COL14A1: variants seen among roughly 807,000 people sequenced by gnomAD.
The protein encoded by COL14A1 is collagen alpha-1(XIV) chain.
In COL14A1, 136 loss-of-function variants were observed where a neutral mutation model predicts 230.3. That is an observed-to-expected ratio of 0.59 (90% CI 0.51 to 0.68). The LOEUF (loss-of-function observed/expected upper bound fraction) is 0.68, where lower values mean the gene tolerates loss of function less well. COL14A1 is among the 30% of genes least tolerant of loss of function. The pLI, the probability that COL14A1 is intolerant of heterozygous loss-of-function variation, is 0.00. For synonymous variants in COL14A1, 792 were observed against 784.1 expected (o/e 1.01, Z -0.17); for missense variants, 1,976 against 2,215.8 (o/e 0.89, Z 2.17).
rs185447697 is a variant in COL14A1, at chr8:120,323,266, T to G, written c.4659+7269T>G. On this transcript the variant is annotated intron_variant, in intron 40 of 47. Transcript: ENST00000297848. ...CTTTGCCTACTTTTTAATGGAGTTG[T>G]TTTTTTTTCTTGCAAGTTTGTTTAA... 8.0e-5 allele frequency among the ~76,000 whole-genome samples: 12 copies of G among 150,328 alleles called. 2 individuals carry two copies. The highest frequency in any genetic ancestry group is 2.9e-4 in the African/African-American group (12 of 40,714).
chr8:120,370,573 A>T (rs1181564696), intron 47 of COL14A1: 5 of 1,457,410 alleles, frequency 3.4e-6, no homozygotes, highest in Non-Finnish European at 4.5e-6. Flanking sequence ...ATCGGAACTT[A>T]ACCAAATCAT....
At chr8:120,284,843 A>G (rs542313572) in intron 32 of COL14A1, among the ~76,000 whole-genome samples, 4 of 152,294 alleles carry the variant, frequency 2.6e-5, no homozygotes, top group African/African-American at 4.8e-5. Flanking sequence ...AAGAAAAAAG[A>G]TTAGATAAAT....
Position 120,153,025 on chromosome 8 carries a change from T to C in COL14A1, c.88+5095T>C, listed in dbSNP as rs183089129. Reference sequence around the variant, plus strand: ...ACAGCTGTTTTCAGCATCTTTATAATGGATCATGAAATTACAACATATGAG... The same window carrying C: ...ACAGCTGTTTTCAGCATCTTTATAACGGATCATGAAATTACAACATATGAG... On this transcript the variant is annotated intron_variant, in intron 2 of 47. Coordinates refer to ENST00000297848, the MANE Select transcript of COL14A1 (RefSeq NM_021110.4). Among the ~76,000 whole-genome samples the C allele has an allele frequency of 1.7e-3, 264 of 152,144 alleles. 3 individuals are homozygous for C. The highest frequency in any genetic ancestry group is 1.4e-3 in the Non-Finnish European group (94 of 68,024).
intron 45 of COL14A1, among the ~76,000 whole-genome samples, chr8:120,356,240 C>T (rs1015515223): frequency 6.6e-6 from 1 of 152,168 alleles, no homozygotes; most frequent in East Asian, 1.9e-4. Flanking sequence ...TTATGTGATG[C>T]TCATAAAAAT....
chr8:120,206,476 A>G (rs1817436079), intron 9 of COL14A1, among the ~76,000 whole-genome samples: 2 of 152,140 alleles, frequency 1.3e-5, no homozygotes, highest in African/African-American at 4.8e-5. Context: ...CAGCCTCCAA[A>G]GTAGCTGGGA....
chr8:120,336,528 C>T (rs1237075822), intron 42 of COL14A1, among the ~76,000 whole-genome samples: 2 of 152,162 alleles, frequency 1.3e-5, no homozygotes, highest in African/African-American at 4.8e-5. Flanking sequence ...TCATTGGCCC[C>T]CTGGTCTCTG....
chr8:120,197,848 G>A lies in COL14A1; in HGVS notation c.630G>A (p.Trp210Ter), dbSNP rs748191303. Residue 210 changes from tryptophan (W) to a stop codon, truncating the protein, a stop_gained, in exon 7 of 48, where the codon TGG becomes TGA. Coordinates refer to ENST00000297848, the MANE Select transcript of COL14A1 (RefSeq NM_021110.4). LOFTEE classifies it high-confidence loss of function. ...ATAGTGGTGACCCCAGAATAGAATG[G>A]CACTTGAATGCATTTAGCACAAAAG... is the stretch of plus-strand genomic sequence containing the variant. ...AQYSGDPRIE[W>*]HLNAFSTKDE... is the part of the protein sequence containing the mutation. The A allele has an allele frequency of 8.7e-6, 14 of 1,613,528 alleles. No homozygotes were observed. The highest frequency in any genetic ancestry group is 1.1e-5 in the South Asian group (1 of 91,058).
intron 40 of COL14A1, among the ~76,000 whole-genome samples, chr8:120,327,605 G>A (rs1451789702): frequency 6.6e-6 from 1 of 152,008 alleles, no homozygotes; most frequent in African/African-American, 2.4e-5. Flanking sequence ...ATGTCTTTTC[G>A]ACTTGCTTGC....
chr8:120,231,027 T>G (rs1818250002), intron 18 of COL14A1, among the ~76,000 whole-genome samples: 1 of 151,862 alleles, frequency 6.6e-6, no homozygotes, highest in Non-Finnish European at 1.5e-5. Flanking sequence ...GAAATGGAGG[T>G]GAGGGCAGGT....
intron 7 of COL14A1, among the ~76,000 whole-genome samples, chr8:120,198,144 G>A (rs1004163129): frequency 2.1e-4 from 32 of 152,100 alleles, no homozygotes; most frequent in African/African-American, 7.7e-4. Context: ...GAAGGGCTTG[G>A]TTGGGCTAGG....
Position 120,232,580 on chromosome 8 carries a change from C to G in COL14A1, c.2349+962C>G, listed in dbSNP as rs549068004. The stretch of plus-strand genomic sequence containing the variant: ...ATGGTTTCCAGCTTCATCCATGTCC[C>G]TGCAAAGGACATGAACTCATCCTTT... On this transcript the variant is annotated intron_variant, in intron 19 of 47. Transcript: ENST00000297848. Among the ~76,000 whole-genome samples the G allele has an allele frequency of 3.3e-5, 5 of 152,322 alleles. No individual in the cohort carries two copies. In the East Asian group the frequency reaches 9.6e-4, roughly 29 times the overall value.
chr8:120,322,677 T>G (rs2130157635), intron 40 of COL14A1, among the ~76,000 whole-genome samples: 1 of 152,322 alleles, frequency 6.6e-6, no homozygotes, highest in East Asian at 1.9e-4. Context: ...ATAAGTTTGC[T>G]ATGGATAATG....
At chr8:120,248,949 G>A (rs1277311181) in intron 21 of COL14A1, among the ~76,000 whole-genome samples, 8 of 83,220 alleles carry the variant, frequency 9.6e-5, no homozygotes, top group Admixed American at 3.1e-4. Context: ...TTTTTGAGAC[G>A]GAGTCTCGCT....
intron 5 of COL14A1, among the ~76,000 whole-genome samples, chr8:120,184,112 A>G (rs979998361): frequency 3.3e-5 from 5 of 152,154 alleles, no homozygotes; most frequent in African/African-American, 1.2e-4. Context: ...ATCTGATGAA[A>G]GCTATCACTA....
intron 5 of COL14A1, among the ~76,000 whole-genome samples, chr8:120,188,984 G>A (rs1816731243): frequency 6.6e-6 from 1 of 152,152 alleles, no homozygotes; most frequent in African/African-American, 2.4e-5. Flanking sequence ...TCTAAGAATG[G>A]TGAAATGGGT....
chr8:120,337,401 T>TAAAAAAAAAAAAAAAAAAA (rs60418574), intron 42 of COL14A1, among the ~76,000 whole-genome samples: 1 of 129,460 alleles, frequency 7.7e-6, no homozygotes, highest in Non-Finnish European at 1.6e-5. Context: ...GTCTCAAAAT[T>TAAAAAAAAAAAAAAAAAAA]AAAAAAAAAA....
At chr8:120,285,750 A>C (rs117226293) in intron 32 of COL14A1, 111 bp from the exon 33 acceptor site, 24,379 of 712,950 alleles carry the variant, frequency 0.034, 546 homozygotes, top group South Asian at 0.048. Context: ...ACATCATTCT[A>C]AATACAGTTT....
chr8:120,207,284 A>C (rs765642336), intron 10 of COL14A1, among the ~76,000 whole-genome samples, 190 bp downstream of exon 10: 5 of 152,206 alleles, frequency 3.3e-5, no homozygotes, highest in Non-Finnish European at 7.3e-5. Context: ...TACATCTTTC[A>C]TCTCTCCAAA....
chr8:120,268,394 C>T lies in COL14A1; in HGVS notation c.3073+1511C>T, dbSNP rs1379262969. Among the ~76,000 whole-genome samples, 5 of 151,568 alleles carry T rather than the reference C, an allele frequency of 3.3e-5. No individual in the cohort carries two copies. In the South Asian group the frequency reaches 1.0e-3, roughly 31 times the overall value. Reference sequence around the variant, plus strand: ...TCTGATGCAGATATTACAGAATGCTCTGTAATATCTGCATCAGATCAGAGT... The same window carrying T: ...TCTGATGCAGATATTACAGAATGCTTTGTAATATCTGCATCAGATCAGAGT... On this transcript the variant is annotated intron_variant, in intron 25 of 47. Transcript: ENST00000297848.
Sources: gnomAD v4.1 joint callset for allele counts (sites outside exome capture counted in the v4.1 genomes callset) on GRCh38, gnomAD v4.1.1 for gene constraint, MANE v1.5 for transcripts, NCBI Gene and HGNC (gene_info 2026-07-23, HGNC 2026-07-21) for gene names.